Variants in CFP observed in about 807,000 individuals in gnomAD.
CFP encodes the protein properdin.
In CFP, 14 loss-of-function variants were observed where a neutral mutation model predicts 42.1. That is an observed-to-expected ratio of 0.33 (90% confidence interval 0.22 to 0.52). The LOEUF (loss-of-function observed/expected upper bound fraction) is 0.52. Ranked by LOEUF, CFP falls within the 20% of genes least tolerant of loss-of-function variation. The pLI is 0.96. For missense variants in CFP, 318 were observed against 400.4 expected, an observed-to-expected ratio of 0.79 and a Z score of 1.76; for synonymous variants, 149 against 160.6, an observed-to-expected ratio of 0.93 and a Z score of 0.54.
chrX:47,630,267 G>A (rs1187282078), upstream of CFP: 1 of 187,015 alleles, frequency 5.3e-6, no homozygotes, highest in Non-Finnish European at 1.0e-5. Context: ...TCAACCTCGT[G>A]GGGGTGTTGA....
upstream of CFP, chrX:47,630,094 A>G (rs1217892833): frequency 2.4e-6 from 1 of 411,105 alleles, no homozygotes; most frequent in African/African-American, 2.5e-5. Context: ...GCAACCTCAC[A>G]GTGTTCAATA....
chrX:47,624,068 G>A lies in CFP; in HGVS notation c.*207C>T, dbSNP rs2057958519. 3 of 445,035 alleles carry A rather than the reference G, an allele frequency of 6.7e-6. No homozygotes were observed. The highest frequency in any genetic ancestry group is 2.4e-5 in the African/African-American group (1 of 40,936). 36.7% of individuals were successfully genotyped at this position (445,035 alleles called of 1,213,427 possible). On this transcript the variant is annotated 3_prime_UTR_variant, in exon 9 of 9. Transcript: ENST00000396992. ...CACTCGCTTTCACTCCTGCCAACCTGCGACCACAGTGGAAAATACTGTTTT... is the reference window on the plus strand; with the variant it reads ...CACTCGCTTTCACTCCTGCCAACCTACGACCACAGTGGAAAATACTGTTTT...
Sources: gnomAD v4.1 joint callset for allele counts on GRCh38, gnomAD v4.1.1 for gene constraint, MANE v1.5 for transcripts, NCBI Gene and HGNC (gene_info 2026-07-23, HGNC 2026-07-21) for gene names.